The following NSMCE2 variants were observed in gnomAD, a reference collection of about 807,000 sequenced individuals.
The protein encoded by NSMCE2 is NSE2 SUMO ligase component of SMC5/6 complex.
In NSMCE2, 24 loss-of-function variants were observed where a neutral mutation model predicts 23.8. The ratio of observed to expected loss-of-function variants is 1.01; its 90% CI spans 0.73 to 1.42. NSMCE2 has a LOEUF of 1.42. Among genes scored for constraint, NSMCE2 ranks in the 40% most tolerant of loss-of-function variants. NSMCE2 has a pLI of 0.00. For missense variants in NSMCE2, 284 were observed against 296.5 expected (o/e 0.96, Z 0.31); for synonymous variants, 92 against 94.1 (o/e 0.98, Z 0.13).
At chr8:125,230,948 C>G (rs778264885) in intron 5 of NSMCE2, among the ~76,000 whole-genome samples, 1 of 152,054 alleles carries the variant, frequency 6.6e-6, no homozygotes, top group African/African-American at 2.4e-5. Flanking sequence ...TGCCTTGGAT[C>G]AAAAACAATT....
At chr8:125,188,575 A>C (rs1439010395) in intron 5 of NSMCE2, among the ~76,000 whole-genome samples, 1 of 152,240 alleles carries the variant, frequency 6.6e-6, no homozygotes, top group African/African-American at 2.4e-5. Context: ...ACTAGATTTT[A>C]AAAACACTGT....
intron 3 of NSMCE2, among the ~76,000 whole-genome samples, chr8:125,141,402 G>A (rs867397602): frequency 2.0e-5 from 3 of 152,212 alleles, no homozygotes; most frequent in Admixed American, 6.5e-5. Flanking sequence ...ACACTGGCAT[G>A]TGCCTTCCAT....
At chr8:125,355,872 A>C (rs1420178349) in intron 5 of NSMCE2, among the ~76,000 whole-genome samples, 1 of 152,034 alleles carries the variant, frequency 6.6e-6, no homozygotes, top group East Asian at 1.9e-4. Flanking sequence ...GGCCAATGGG[A>C]TGTAACTCAA....
intron 4 of NSMCE2, among the ~76,000 whole-genome samples, chr8:125,179,541 A>G (rs957340402): frequency 7.9e-5 from 12 of 152,358 alleles, no homozygotes; most frequent in East Asian, 1.9e-4. Context: ...GAATGTTTTT[A>G]AATTTCATTT....
chr8:125,291,703 T>C (rs1232792036), intron 5 of NSMCE2, among the ~76,000 whole-genome samples: 5 of 152,168 alleles, frequency 3.3e-5, no homozygotes, highest in Non-Finnish European at 7.4e-5. Context: ...TTTCTGGAGT[T>C]ATATTAGTAT....
intron 5 of NSMCE2, among the ~76,000 whole-genome samples, chr8:125,196,006 A>G (rs1476967081): frequency 2.1e-5 from 3 of 145,768 alleles, no homozygotes; most frequent in African/African-American, 7.7e-5. Context: ...GCTGCCTCCC[A>G]AGTAGCTGGG....
At chr8:125,318,756 A>T (rs775453441) in intron 5 of NSMCE2, among the ~76,000 whole-genome samples, 3 of 152,238 alleles carry the variant, frequency 2.0e-5, no homozygotes, top group African/African-American at 4.8e-5. Flanking sequence ...ATCCTTGAAG[A>T]CAGGAAACAA....
chr8:125,120,259 G>A (rs1361651487), intron 3 of NSMCE2, among the ~76,000 whole-genome samples: 1 of 152,146 alleles, frequency 6.6e-6, no homozygotes, highest in Non-Finnish European at 1.5e-5. Flanking sequence ...TCAGAGAAGG[G>A]CAAGAAAGCA....
intron 5 of NSMCE2, among the ~76,000 whole-genome samples, chr8:125,335,719 T>G (rs1215388023): frequency 6.6e-6 from 1 of 152,170 alleles, no homozygotes; most frequent in Non-Finnish European, 1.5e-5. Flanking sequence ...ATTGACATGG[T>G]GACGTGACCC....
At chr8:125,189,555 A>T (rs926469549) in intron 5 of NSMCE2, among the ~76,000 whole-genome samples, 1 of 152,246 alleles carries the variant, frequency 6.6e-6, no homozygotes, top group African/African-American at 2.4e-5. Context: ...TGTTATTCCT[A>T]GAACAGATTT....
At chr8:125,210,643 T>TC (rs900245595) in intron 5 of NSMCE2, among the ~76,000 whole-genome samples, 23 of 152,160 alleles carry the variant, frequency 1.5e-4, no homozygotes, top group African/African-American at 2.4e-4. Context: ...TCCTTTTTTT[T>TC]CTCACCGATC....
chr8:125,356,428 A>T (rs544293129), intron 5 of NSMCE2, among the ~76,000 whole-genome samples: 14 of 146,596 alleles, frequency 9.6e-5, no homozygotes, highest in African/African-American at 3.3e-4. Context: ...TTCTGGGTTC[A>T]AGCGATTCTC....
intron 5 of NSMCE2, among the ~76,000 whole-genome samples, chr8:125,249,042 A>G (rs1182976642): frequency 6.6e-6 from 1 of 152,146 alleles, no homozygotes; most frequent in Admixed American, 6.5e-5. Context: ...ATGGTGGCAC[A>G]TGCCTTTAAT....
intron 5 of NSMCE2, among the ~76,000 whole-genome samples, chr8:125,188,476 G>A (rs1823206078): frequency 6.6e-6 from 1 of 152,158 alleles, no homozygotes; most frequent in South Asian, 2.1e-4. Context: ...TTGTTGCTGT[G>A]AGTGGGTGTG....
At chr8:125,177,373 C>T (rs1822550042) in intron 4 of NSMCE2, among the ~76,000 whole-genome samples, 1 of 152,182 alleles carries the variant, frequency 6.6e-6, no homozygotes, top group South Asian at 2.1e-4. Flanking sequence ...GCTCCTGTTC[C>T]TCTATACAAA....
intron 5 of NSMCE2, among the ~76,000 whole-genome samples, chr8:125,203,515 T>C (rs1374885158): frequency 6.6e-6 from 1 of 152,252 alleles, no homozygotes; most frequent in African/African-American, 2.4e-5. Context: ...TATTCTTAAA[T>C]AATTATTGTT....
chr8:125,236,588 T>G (rs16900461), intron 5 of NSMCE2, among the ~76,000 whole-genome samples: 7,643 of 152,238 alleles, frequency 0.05, 226 homozygotes, highest in Middle Eastern at 0.078. Context: ...AACTACTGAC[T>G]GAGGCCATCT....
intron 5 of NSMCE2, among the ~76,000 whole-genome samples, chr8:125,199,388 C>T (rs1343780812): frequency 6.6e-6 from 1 of 152,168 alleles, no homozygotes; most frequent in Non-Finnish European, 1.5e-5. Flanking sequence ...TATCTTTGTT[C>T]TCATTGGTTT....
intron 5 of NSMCE2, among the ~76,000 whole-genome samples, chr8:125,246,871 G>A (rs918350512): frequency 2.6e-5 from 4 of 151,956 alleles, no homozygotes; most frequent in Non-Finnish European, 5.9e-5. Context: ...ATCTGACACC[G>A]CATAATTACC....
Sources: gnomAD v4.1 joint callset for allele counts (sites outside exome capture counted in the v4.1 genomes callset) on GRCh38, gnomAD v4.1.1 for gene constraint, MANE v1.5 for transcripts, NCBI Gene and HGNC (gene_info 2026-07-23, HGNC 2026-07-21) for gene names.